TMEM260: variants seen among roughly 807,000 people sequenced by gnomAD.
TMEM260 encodes transmembrane protein 260.
TMEM260 carries 82 observed loss-of-function variants against 88.9 expected under a neutral mutation model. The ratio of observed to expected loss-of-function variants is 0.92; its 90% CI spans 0.77 to 1.11. The LOEUF (loss-of-function observed/expected upper bound fraction) is 1.11, where lower values mean the gene tolerates loss of function less well. Ranked by LOEUF, TMEM260 falls within the 50% of genes least tolerant of loss-of-function variation. The probability of loss-of-function intolerance (pLI) is 0.00; values close to 1 mark genes in which losing one functional copy is unlikely to be tolerated. For missense variants in TMEM260, 902 were observed against 853.4 expected, an observed-to-expected ratio of 1.06 and a Z score of -0.71; for synonymous variants, 314 against 309.3, an observed-to-expected ratio of 1.02 and a Z score of -0.16.
downstream of TMEM260, among the ~76,000 whole-genome samples, chr14:56,653,753 A>AAAACAAAAAAAAAAAC (rs1180122924): frequency 1.7e-4 from 24 of 142,590 alleles, no homozygotes; most frequent in African/African-American, 6.6e-4. Flanking sequence ...AAAAAAAAAA[A>AAAACAAAAAAAAAAAC]AACAGGACAT....
chr14:56,582,355 G>A (rs777507146), intron 1 of TMEM260, among the ~76,000 whole-genome samples: 1 of 152,120 alleles, frequency 6.6e-6, no homozygotes, highest in East Asian at 1.9e-4. Flanking sequence ...GGTGCTTTTC[G>A]GGGAGGGGGT....
At chr14:56,631,602 T>C (rs1284237431) in intron 12 of TMEM260, among the ~76,000 whole-genome samples, 2 of 137,774 alleles carry the variant, frequency 1.5e-5, no homozygotes, top group African/African-American at 2.7e-5. Context: ...CATCCTGGGC[T>C]ACAAAGCAAG....
At chr14:56,646,852 GTTTT>G (rs200406842) in intron 15 of TMEM260, among the ~76,000 whole-genome samples, 2 of 145,690 alleles carry the variant, frequency 1.4e-5, no homozygotes, top group Non-Finnish European at 3.1e-5. Context: ...AAAGAAAGCT[GTTTT>G]TTTTTTTTGT....
intron 1 of TMEM260, among the ~76,000 whole-genome samples, chr14:56,581,909 G>A (rs1885163246): frequency 1.3e-5 from 2 of 152,124 alleles, no homozygotes; most frequent in Admixed American, 1.3e-4. Context: ...TTAAAATCAT[G>A]ATTATTGCCT....
chr14:56,641,903 A>G (rs1889622263), intron 15 of TMEM260, among the ~76,000 whole-genome samples: 4 of 151,590 alleles, frequency 2.6e-5, no homozygotes, highest in Admixed American at 2.6e-4. Context: ...CAAAGATCAG[A>G]AGAGACAAAG....
chr14:56,653,718 G>C (rs1049519111), downstream of TMEM260, among the ~76,000 whole-genome samples: 14 of 85,292 alleles, frequency 1.6e-4, no homozygotes, highest in African/African-American at 8.5e-4. Flanking sequence ...CTGGGTGACA[G>C]AGCAAGACTC....
upstream of TMEM260, chr14:56,579,657 C>A (rs1884963144): frequency 7.8e-6 from 3 of 384,184 alleles, no homozygotes; most frequent in Non-Finnish European, 1.4e-5. Flanking sequence ...GATTAGGAAC[C>A]TTAAATCACA....
At chr14:56,620,129 G>T (rs929641488) in intron 10 of TMEM260, among the ~76,000 whole-genome samples, 1 of 152,108 alleles carries the variant, frequency 6.6e-6, no homozygotes, top group South Asian at 2.1e-4. Flanking sequence ...AGACACTGGG[G>T]CCTACTTGAG....
intron 11 of TMEM260, among the ~76,000 whole-genome samples, chr14:56,623,500 CT>C (rs1888057309): frequency 6.6e-6 from 1 of 152,184 alleles, no homozygotes; most frequent in East Asian, 1.9e-4. Context: ...CACACCTAAA[CT>C]GCTTATTAGC....
chr14:56,596,718 G>A (rs1234361639), intron 3 of TMEM260, among the ~76,000 whole-genome samples: 89 of 144,916 alleles, frequency 6.1e-4, no homozygotes, highest in African/African-American at 1.9e-3. Context: ...AGCCGAGATC[G>A]TGCCATTGCA....
rs772577798 is a variant in TMEM260, at chr14:56,633,145, CT to C, written c.1699del (p.Tyr567IlefsTer28). ...AATGGATTAAACTTACAAAAAGTAT[CT>C]ATAACTGGACCGAAGAATATGGAAG... ...EEWIKLTKSIYNWTEEYGRFD... is the reference protein window; with the variant it reads ...EEWIKLTKSIXNWTEEYGRFD... On this transcript the variant is annotated frameshift_variant, in exon 13 of 16. Transcript: ENST00000261556. LOFTEE classifies it high-confidence loss of function. 6.2e-7 allele frequency: 1 copy of C among 1,612,794 alleles called. No individual in the cohort carries two copies. Among genetic ancestry groups the C allele is most frequent in the South Asian group, 1.1e-5 (1 of 90,978 alleles).
intron 15 of TMEM260, among the ~76,000 whole-genome samples, chr14:56,642,302 A>G (rs1467391322): frequency 1.3e-5 from 2 of 152,166 alleles, no homozygotes; most frequent in East Asian, 1.9e-4. Flanking sequence ...AATTATAACA[A>G]ACTGTCTCTC....
intron 3 of TMEM260, among the ~76,000 whole-genome samples, chr14:56,599,509 T>C (rs1886439152): frequency 6.6e-6 from 1 of 152,180 alleles, no homozygotes; most frequent in South Asian, 2.1e-4. Context: ...TTTCAAGTTA[T>C]CTCAACTTCT....
chr14:56,633,613 C>T (rs922793287), intron 13 of TMEM260: 5 of 154,422 alleles, frequency 3.2e-5, no homozygotes, highest in East Asian at 1.9e-4. Context: ...TCTCTGTGAG[C>T]GAAGACTCAG....
At position 56,625,504 on chromosome 14, in the gene TMEM260, T is replaced by G. The variant is rs775635952; in HGVS notation, c.1521T>G (p.Leu507=). The G allele has an allele frequency of 2.0e-5, 32 of 1,602,136 alleles. No homozygotes were observed. Among genetic ancestry groups the G allele is most frequent in the Non-Finnish European group, 2.7e-5 (32 of 1,171,878 alleles). Residue 507 remains leucine, a synonymous_variant, in exon 12 of 16, where the codon CTT becomes CTG. Transcript: ENST00000261556. ...ILPSGMVTFN[L]YHFLEVNKQK... ...CTAGTGGAATGGTCACATTTAATCTTTATCATTTTCTTGAAGTAAATAAAC... is the reference window on the plus strand; with the variant it reads ...CTAGTGGAATGGTCACATTTAATCTGTATCATTTTCTTGAAGTAAATAAAC...
chr14:56,609,056 G>A (rs773334681), intron 5 of TMEM260, 50 bp from the exon 6 acceptor site: 21 of 1,568,180 alleles, frequency 1.3e-5, no homozygotes, highest in Non-Finnish European at 1.8e-5. Context: ...GTTCCGAGAT[G>A]AATCTACTAA....
intron 13 of TMEM260, 103 bp from the exon 14 acceptor site, chr14:56,634,796 C>G (rs540854826): frequency 3.1e-6 from 3 of 977,322 alleles, no homozygotes; most frequent in Non-Finnish European, 3.2e-6. Flanking sequence ...GAGCCAAGAT[C>G]GCACCATTGC....
At chr14:56,624,134 T>C (rs1888094197) in intron 11 of TMEM260, among the ~76,000 whole-genome samples, 2 of 152,230 alleles carry the variant, frequency 1.3e-5, no homozygotes, top group Admixed American at 1.3e-4. Flanking sequence ...GCCTAGATTA[T>C]TACATGATTG....
intron 15 of TMEM260, among the ~76,000 whole-genome samples, chr14:56,646,866 T>G (rs1372839928): frequency 6.6e-6 from 1 of 150,650 alleles, no homozygotes; most frequent in East Asian, 2.0e-4. Flanking sequence ...TTTTTTTTTG[T>G]TCTCCAACAG....
Sources: allele counts gnomAD v4.1 joint callset (sites outside exome capture counted in the v4.1 genomes callset), GRCh38; gene constraint gnomAD v4.1.1; transcripts MANE v1.5; gene names NCBI Gene and HGNC (gene_info 2026-07-23, HGNC 2026-07-21).